BBX: variants seen among roughly 807,000 people sequenced by gnomAD.
BBX encodes HMG box transcription factor BBX.
In BBX, 30 loss-of-function variants were observed where a neutral mutation model predicts 100.2. The observed-to-expected ratio is 0.30, with a 90% confidence interval of 0.22 to 0.41. The LOEUF (loss-of-function observed/expected upper bound fraction) is 0.41, where lower values mean the gene tolerates loss of function less well. BBX is among the 10% of genes least tolerant of loss of function. The probability of loss-of-function intolerance (pLI) is 1.00; values close to 1 mark genes in which losing one functional copy is unlikely to be tolerated. For missense variants in BBX, 1,023 were observed against 1,129.8 expected (o/e 0.91, Z 1.35); for synonymous variants, 376 against 388.1 (o/e 0.97, Z 0.37).
rs746939566 is a variant in BBX at position 107,729,004 on chromosome 3, A to T, written c.601+44A>T. ...TCCACCTATTCTTTAAGGACAGGGC[A>T]ATACATTTCGGCAGCATTTTAAACA... On this transcript the variant is annotated intron_variant, in intron 6 of 17. Transcript: ENST00000325805. The T allele has an allele frequency of 3.8e-6, 6 of 1,576,252 alleles. No individual in the cohort carries two copies. The Admixed American group carries it at 1.1e-4, about 29-fold the overall frequency.
chr3:107,570,302 T>A (rs529414340), intron 2 of BBX, among the ~76,000 whole-genome samples: 3 of 152,242 alleles, frequency 2.0e-5, no homozygotes, highest in African/African-American at 7.2e-5. Context: ...AGTCCTGTTG[T>A]GGGGTTTGAG....
At chr3:107,576,125 A>C (rs1333233338) in intron 2 of BBX, among the ~76,000 whole-genome samples, 2 of 152,226 alleles carry the variant, frequency 1.3e-5, no homozygotes. Context: ...TGAAGACACC[A>C]AATGTTCCCA....
chr3:107,706,022 C>CTTTTTTT (rs35648451), intron 3 of BBX, among the ~76,000 whole-genome samples: 2 of 128,870 alleles, frequency 1.6e-5, no homozygotes, highest in Non-Finnish European at 1.6e-5. Context: ...GAGCTTGCTA[C>CTTTTTTT]TTTTTTTTTT....
intron 3 of BBX, among the ~76,000 whole-genome samples, chr3:107,653,162 C>G (rs1016107500): frequency 6.6e-6 from 1 of 152,148 alleles, no homozygotes; most frequent in Admixed American, 6.5e-5. Flanking sequence ...TTTGTGCCTT[C>G]AAGTTTGCCA....
chr3:107,698,469 G>T (rs2060817087), intron 3 of BBX, among the ~76,000 whole-genome samples: 1 of 151,458 alleles, frequency 6.6e-6, no homozygotes, highest in Non-Finnish European at 1.5e-5. Context: ...TGGCCAATAT[G>T]GTGAAACCCC....
chr3:107,803,735 G>T (rs146612184), intron 17 of BBX, among the ~76,000 whole-genome samples: 1 of 152,022 alleles, frequency 6.6e-6, no homozygotes, highest in Admixed American at 6.6e-5. Flanking sequence ...TCCTTATCTC[G>T]CGTACTGCCA....
chr3:107,613,040 A>G (rs147688999), intron 2 of BBX, among the ~76,000 whole-genome samples: 66 of 152,154 alleles, frequency 4.3e-4, no homozygotes, highest in African/African-American at 1.5e-3. Context: ...CCACAGACCC[A>G]TGGAGAGTAC....
chr3:107,613,242 C>T (rs1576496874), intron 2 of BBX, among the ~76,000 whole-genome samples: 1 of 149,292 alleles, frequency 6.7e-6, no homozygotes. Flanking sequence ...GGCTGGAGTG[C>T]AGTGGCGCAT....
chr3:107,573,811 C>T (rs1349047529), intron 2 of BBX, among the ~76,000 whole-genome samples: 1 of 152,200 alleles, frequency 6.6e-6, no homozygotes, highest in Non-Finnish European at 1.5e-5. Context: ...ACCGCAACCT[C>T]TGCCTGCTGG....
intron 3 of BBX, among the ~76,000 whole-genome samples, chr3:107,702,547 TG>T (rs950684215): frequency 1.3e-5 from 2 of 152,186 alleles, no homozygotes; most frequent in Non-Finnish European, 2.9e-5. Context: ...ACATATTCAC[TG>T]AACATCTATT....
chr3:107,551,627 C>T (rs770352873), intron 2 of BBX, among the ~76,000 whole-genome samples: 1 of 152,182 alleles, frequency 6.6e-6, no homozygotes, highest in Non-Finnish European at 1.5e-5. Flanking sequence ...GAATATAGTC[C>T]TGAAAATTGT....
intron 5 of BBX, among the ~76,000 whole-genome samples, chr3:107,727,195 A>G (rs1279887335): frequency 6.6e-6 from 1 of 152,116 alleles, no homozygotes; most frequent in Non-Finnish European, 1.5e-5. Flanking sequence ...CCTTTGTTCA[A>G]GTGACTGTTC....
At chr3:107,648,974 A>C (rs924557176) in intron 3 of BBX, among the ~76,000 whole-genome samples, 3 of 152,200 alleles carry the variant, frequency 2.0e-5, no homozygotes, top group African/African-American at 7.2e-5. Context: ...CATACCCAAG[A>C]CTGGGTAATT....
At chr3:107,696,631 T>G (rs533718048) in intron 3 of BBX, among the ~76,000 whole-genome samples, 1 of 151,806 alleles carries the variant, frequency 6.6e-6, no homozygotes, top group South Asian at 2.1e-4. Context: ...GCCCTTAACA[T>G]TTTTTCCTTC....
At chr3:107,611,439 CT>C (rs1205657113) in intron 2 of BBX, among the ~76,000 whole-genome samples, 3 of 152,118 alleles carry the variant, frequency 2.0e-5, no homozygotes, top group Admixed American at 2.0e-4. Flanking sequence ...AATTCCTCAG[CT>C]TTTGTTTGTC....
chr3:107,564,630 TG>T (rs1441897489), intron 2 of BBX, among the ~76,000 whole-genome samples: 12 of 152,222 alleles, frequency 7.9e-5, no homozygotes. Flanking sequence ...TGTAGTCTAG[TG>T]GGCGTTTTCT....
chr3:107,626,822 T>C (rs2056215742), intron 2 of BBX, among the ~76,000 whole-genome samples: 1 of 151,952 alleles, frequency 6.6e-6, no homozygotes. Flanking sequence ...GGCTGACTAA[T>C]TTTTGTATTT....
At chr3:107,799,094 G>A (rs2108014709) in intron 16 of BBX, among the ~76,000 whole-genome samples, 1 of 151,572 alleles carries the variant, frequency 6.6e-6, no homozygotes, top group East Asian at 1.9e-4. Flanking sequence ...AGGTTGCAGT[G>A]AGCCGAGATC....
At chr3:107,780,820 T>C (rs1371245977) in intron 13 of BBX, among the ~76,000 whole-genome samples, 1 of 152,004 alleles carries the variant, frequency 6.6e-6, no homozygotes, top group East Asian at 1.9e-4. Flanking sequence ...TTGCCTGATC[T>C]TTAGGGGACA....
Sources: allele counts gnomAD v4.1 joint callset (sites outside exome capture counted in the v4.1 genomes callset), GRCh38; gene constraint gnomAD v4.1.1; transcripts MANE v1.5; gene names NCBI Gene and HGNC (gene_info 2026-07-23, HGNC 2026-07-21).